MMP16: variants seen among roughly 807,000 people sequenced by gnomAD.
MMP16 encodes the protein matrix metallopeptidase 16.
A neutral mutation model predicts 67.8 loss-of-function variants in MMP16; 12 were observed. The ratio of observed to expected loss-of-function variants is 0.18; its 90% CI spans 0.11 to 0.29. MMP16 has a LOEUF of 0.29. Among genes scored for constraint, MMP16 ranks in the 10% least tolerant of loss-of-function variants. The pLI is 1.00. For synonymous variants in MMP16, 249 were observed against 255.9 expected, an observed-to-expected ratio of 0.97 and a Z score of 0.26; for missense variants, 475 against 765.7, an observed-to-expected ratio of 0.62 and a Z score of 4.48.
chr8:88,085,124 T>C (rs1808812714), intron 6 of MMP16, among the ~76,000 whole-genome samples: 1 of 152,052 alleles, frequency 6.6e-6, no homozygotes, highest in South Asian at 2.1e-4. Context: ...TCAGGTTTAC[T>C]GTTTACAGAT....
intron 6 of MMP16, among the ~76,000 whole-genome samples, chr8:88,088,075 T>TA (rs1808870552): frequency 1.0e-5 from 1 of 98,676 alleles, no homozygotes; most frequent in Non-Finnish European, 1.9e-5. Context: ...AATAGATATC[T>TA]ATATATCTAT....
chr8:88,088,099 C>CTATATATCTATATAA (rs1563528024), intron 6 of MMP16, among the ~76,000 whole-genome samples: 1 of 140,248 alleles, frequency 7.1e-6, no homozygotes, highest in African/African-American at 2.9e-5. Context: ...TAATAGATAT[C>CTATATATCTATATAA]TGCTGACTGT....
chr8:88,259,331 G>A (rs565871311), intron 1 of MMP16, among the ~76,000 whole-genome samples: 35 of 152,270 alleles, frequency 2.3e-4, no homozygotes, highest in Middle Eastern at 6.8e-3. Context: ...AGTATATTAT[G>A]ATGATTAAAG....
chr8:88,171,382 G>A (rs1021532337), intron 3 of MMP16, among the ~76,000 whole-genome samples: 1 of 152,204 alleles, frequency 6.6e-6, no homozygotes, highest in African/African-American at 2.4e-5. Flanking sequence ...GGATGCTGAT[G>A]ACACTGGGCC....
At chr8:88,160,208 G>A (rs562803876) in intron 4 of MMP16, among the ~76,000 whole-genome samples, 178 of 152,026 alleles carry the variant, frequency 1.2e-3, no homozygotes, top group Non-Finnish European at 2.3e-3. Flanking sequence ...ACCTGTGAGT[G>A]AGAACATGCG....
chr8:88,282,754 G>A (rs1197218629), intron 1 of MMP16, among the ~76,000 whole-genome samples: 3 of 152,098 alleles, frequency 2.0e-5, no homozygotes, highest in African/African-American at 4.8e-5. Flanking sequence ...AAATAGTTAT[G>A]GGAATTAGTT....
intron 9 of MMP16, among the ~76,000 whole-genome samples, chr8:88,043,897 C>A (rs1031420210): frequency 6.6e-6 from 1 of 152,100 alleles, no homozygotes; most frequent in Non-Finnish European, 1.5e-5. Flanking sequence ...AGATGAATAA[C>A]GGCATTGATC....
At chr8:88,123,084 ATTG>A (rs2118448613) in intron 4 of MMP16, among the ~76,000 whole-genome samples, 1 of 151,956 alleles carries the variant, frequency 6.6e-6, no homozygotes, top group African/African-American at 2.4e-5. Flanking sequence ...GAGATAATAA[ATTG>A]TTGTTTTAAG....
At chr8:88,297,404 G>A (rs931562821) in intron 1 of MMP16, among the ~76,000 whole-genome samples, 1 of 152,152 alleles carries the variant, frequency 6.6e-6, no homozygotes, top group African/African-American at 2.4e-5. Context: ...GCCCTTTGTA[G>A]GTACCTGAGA....
chr8:88,212,670 A>G (rs568766578), intron 1 of MMP16, among the ~76,000 whole-genome samples: 24 of 152,208 alleles, frequency 1.6e-4, no homozygotes, highest in African/African-American at 5.5e-4. Context: ...TCACTTTAGG[A>G]AAAGGTCCTT....
At chr8:88,280,374 T>C (rs1810713601) in intron 1 of MMP16, among the ~76,000 whole-genome samples, 1 of 152,066 alleles carries the variant, frequency 6.6e-6, no homozygotes, top group Non-Finnish European at 1.5e-5. Flanking sequence ...AAAGGAAAGA[T>C]TTTTTCTGTA....
At chr8:88,052,933 G>A (rs1808288396) in intron 8 of MMP16, among the ~76,000 whole-genome samples, 2 of 152,092 alleles carry the variant, frequency 1.3e-5, no homozygotes, top group Non-Finnish European at 2.9e-5. Flanking sequence ...AAAATTATCA[G>A]GGTCATTTAT....
chr8:88,049,086 G>A (rs1429107761), intron 8 of MMP16, among the ~76,000 whole-genome samples: 1 of 152,142 alleles, frequency 6.6e-6, no homozygotes, highest in African/African-American at 2.4e-5. Flanking sequence ...TACACCAAAA[G>A]GGAAACTGTC....
chr8:88,108,041 A>C (rs1477714014), intron 6 of MMP16, among the ~76,000 whole-genome samples: 1 of 151,148 alleles, frequency 6.6e-6, no homozygotes, highest in African/African-American at 2.4e-5. Flanking sequence ...GGAATATGAA[A>C]CTTTTATCAA....
intron 1 of MMP16, among the ~76,000 whole-genome samples, chr8:88,272,384 T>A (rs1326153005): frequency 6.6e-6 from 1 of 152,198 alleles, no homozygotes; most frequent in African/African-American, 2.4e-5. Flanking sequence ...TGCTTGAACA[T>A]ATGTGCTATA....
rs573549133 is a variant in MMP16 at position 88,062,468 on chromosome 8, T to C, written c.1223-6190A>G. On this transcript the variant is annotated intron_variant, in intron 7 of 9. Coordinates refer to ENST00000286614, the MANE Select transcript of MMP16 (RefSeq NM_005941.5). ...GTGGCACATATACACCATGGAATAC[T>C]ATGCAGCCATAAAAAAGGATGAGTT... 1.2e-3 allele frequency among the ~76,000 whole-genome samples: 186 copies of C among 152,274 alleles called. 1 individual carries two copies. Among genetic ancestry groups the C allele is most frequent in the African/African-American group, 4.1e-3 (171 of 41,562 alleles).
intron 1 of MMP16, among the ~76,000 whole-genome samples, chr8:88,201,324 T>C (rs1809342190): frequency 6.6e-6 from 1 of 152,044 alleles, no homozygotes; most frequent in African/African-American, 2.4e-5. Context: ...ACAATGCCTA[T>C]TTGTGACTGA....
At chr8:88,187,471 C>G (rs1396546167) in intron 2 of MMP16, among the ~76,000 whole-genome samples, 4 of 151,874 alleles carry the variant, frequency 2.6e-5, no homozygotes, top group African/African-American at 9.7e-5. Context: ...TTTATTAGCC[C>G]CTTTATTTTA....
intron 1 of MMP16, among the ~76,000 whole-genome samples, chr8:88,264,132 A>T (rs1036138275): frequency 5.5e-4 from 83 of 151,696 alleles, no homozygotes; most frequent in African/African-American, 1.8e-3. Flanking sequence ...TGCTAGACAT[A>T]GGAAAGAAGT....
Sources: allele counts gnomAD v4.1 joint callset (sites outside exome capture counted in the v4.1 genomes callset), GRCh38; gene constraint gnomAD v4.1.1; transcripts MANE v1.5; gene names NCBI Gene and HGNC (gene_info 2026-07-23, HGNC 2026-07-21).